The following GNA15 variants were observed in gnomAD, a reference collection of about 807,000 sequenced individuals.
The protein encoded by GNA15 is guanine nucleotide-binding protein subunit alpha-15.
A neutral mutation model predicts 40.1 loss-of-function variants in GNA15; 23 were observed. That is an observed-to-expected ratio of 0.57 (90% CI 0.41 to 0.81). GNA15 has a LOEUF of 0.81. Among genes scored for constraint, GNA15 ranks in the 40% least tolerant of loss-of-function variants. GNA15 has a pLI of 0.00. For missense variants in GNA15, 522 were observed against 515.8 expected, an observed-to-expected ratio of 1.01 and a Z score of -0.12; for synonymous variants, 226 against 210.4, an observed-to-expected ratio of 1.07 and a Z score of -0.64.
chr19:3,142,700 C>T (rs1267814673), intron 1 of GNA15, among the ~76,000 whole-genome samples: 1 of 151,802 alleles, frequency 6.6e-6, no homozygotes, highest in East Asian at 1.9e-4. Flanking sequence ...GGTGAAACCT[C>T]GTCTCTACTA....
At chr19:3,162,687 C>T (rs774601020) in intron 6 of GNA15, 106 bp from the exon 7 acceptor site, 26 of 688,418 alleles carry the variant, frequency 3.8e-5, no homozygotes, top group East Asian at 1.9e-4. Flanking sequence ...ATGACAGGCG[C>T]GATCCCTGGG....
At position 3,155,974 on chromosome 19, in the gene GNA15, C is replaced by T; in HGVS notation, c.744+22C>T. ...GGAGGTGCGCCACCGCCTCCCTCGCCCTGCCCACTTGTTGGCCCAGGGACC... is the reference window on the plus strand; with the variant it reads ...GGAGGTGCGCCACCGCCTCCCTCGCTCTGCCCACTTGTTGGCCCAGGGACC... On this transcript the variant is annotated intron_variant, in intron 5 of 6. Coordinates refer to ENST00000262958, the MANE Select transcript of GNA15 (RefSeq NM_002068.4). The surrounding 1 kb of genome is among the most constrained non-coding windows in gnomAD (Gnocchi z 5.6). The T allele has an allele frequency of 6.2e-7, 1 of 1,611,212 alleles. No homozygotes were observed. Among genetic ancestry groups the T allele is most frequent in the Non-Finnish European group, 8.5e-7 (1 of 1,178,034 alleles).
intron 1 of GNA15, among the ~76,000 whole-genome samples, chr19:3,148,281 T>A (rs935164015): frequency 2.6e-5 from 4 of 151,898 alleles, no homozygotes; most frequent in Non-Finnish European, 2.9e-5. Context: ...AGAGATGGGG[T>A]TTCGCCATGT....
rs183489804 is a variant in GNA15 at position 3,144,808 on chromosome 19, G to A, written c.146-3783G>A. Among the ~76,000 whole-genome samples the A allele has an allele frequency of 4.2e-3, 622 of 149,074 alleles. 2 individuals carry two copies. The highest frequency in any genetic ancestry group is 5.5e-3 in the Non-Finnish European group (370 of 67,494). ...CTCCCATAGTGCTGAGATTACAGGC[G>A]TGAGCCACCGGGCCCGGCCCTTTAT... On this transcript the variant is annotated intron_variant, in intron 1 of 6. Coordinates refer to ENST00000262958, the MANE Select transcript of GNA15 (RefSeq NM_002068.4).
rs549121074 is a variant in GNA15 at position 3,154,792 on chromosome 19, G to C, written c.615-1031G>C. Among the ~76,000 whole-genome samples, 5 of 152,098 alleles carry C rather than the reference G, an allele frequency of 3.3e-5. 1 individual carries two copies. In the East Asian group the frequency reaches 9.7e-4, roughly 29 times the overall value. ...ATAAATCGATGAATGGGGTGGGTGG[G>C]TGGATAAAAGTTTAGGAGTGAAGGT... On this transcript the variant is annotated intron_variant, in intron 4 of 6. Transcript: ENST00000262958.
In GNA15 at chr19:3,155,971, C is replaced by A; in HGVS notation, c.744+19C>A. ...CCAGGAGGTGCGCCACCGCCTCCCTCGCCCTGCCCACTTGTTGGCCCAGGG... is the reference window on the plus strand; with the variant it reads ...CCAGGAGGTGCGCCACCGCCTCCCTAGCCCTGCCCACTTGTTGGCCCAGGG... On this transcript the variant is annotated intron_variant, in intron 5 of 6. Transcript: ENST00000262958. This position sits in a 1 kb window ranked among gnomAD's most constrained non-coding sequence, Gnocchi z 5.6. 6.2e-7 allele frequency: 1 copy of A among 1,611,390 alleles called. No homozygotes were observed. Among genetic ancestry groups the A allele is most frequent in the Non-Finnish European group, 8.5e-7 (1 of 1,178,112 alleles).
intron 2 of GNA15, chr19:3,149,052 C>A (rs1418893068): frequency 3.7e-5 from 16 of 428,618 alleles, no homozygotes; most frequent in Non-Finnish European, 6.4e-5. Flanking sequence ...TACATGCTCA[C>A]AAAGATACAC....
Position 3,148,674 on chromosome 19 carries a change from G to A in GNA15, c.229G>A (p.Gly77Ser). ...CGGCTACTCGGAGGAGGAGCGCAAG[G>A]GCTTCCGGCCCCTGGTCTACCAGAA... ...GAGYSEEERK[G>S]FRPLVYQNIF... Residue 77 changes from glycine to serine, a missense_variant, in exon 2 of 7, where the codon GGC (glycine) becomes AGC (serine). By Grantham distance (56) the Gly-to-Ser change is moderately conservative. Coordinates refer to ENST00000262958, the MANE Select transcript of GNA15 (RefSeq NM_002068.4). 1 of 1,594,780 alleles carries A rather than the reference G, an allele frequency of 6.3e-7. No homozygotes were observed. The highest frequency in any genetic ancestry group is 8.5e-7 in the Non-Finnish European group (1 of 1,170,994).
intron 1 of GNA15, among the ~76,000 whole-genome samples, chr19:3,148,070 GTTTT>G (rs1914777082): frequency 2.0e-5 from 2 of 99,936 alleles, no homozygotes; most frequent in East Asian, 8.2e-4. Context: ...TGAGGTCCAT[GTTTT>G]GTTTTTTTTG....
intron 4 of GNA15, among the ~76,000 whole-genome samples, chr19:3,153,430 A>G (rs1914927353): frequency 6.6e-6 from 1 of 151,200 alleles, no homozygotes; most frequent in Non-Finnish European, 1.5e-5. Flanking sequence ...GGATGGATGA[A>G]TGGATGGATA....
intron 4 of GNA15, among the ~76,000 whole-genome samples, chr19:3,154,648 G>A (rs551276763): frequency 1.8e-4 from 27 of 150,378 alleles, no homozygotes; most frequent in African/African-American, 6.3e-4. Context: ...GGATGGATGG[G>A]TGGGTGGATG....
chr19:3,156,202 A>ACACT (rs57479390), intron 5 of GNA15, among the ~76,000 whole-genome samples: 2,541 of 143,304 alleles, frequency 0.018, 45 homozygotes, highest in Non-Finnish European at 0.024. Flanking sequence ...ACACACACAC[A>ACACT]CTACAGTGCA....
intron 4 of GNA15, among the ~76,000 whole-genome samples, chr19:3,154,106 GGATGGATGAGTGAATGAATA>G (rs1914945830): frequency 6.6e-6 from 1 of 150,894 alleles, no homozygotes; most frequent in African/African-American, 2.4e-5. Context: ...ACGGATAGAT[GGATGGATGAGTGAATGAATA>G]GATGGATGGG....
intron 4 of GNA15, among the ~76,000 whole-genome samples, chr19:3,153,496 G>A (rs1048572304): frequency 6.6e-6 from 1 of 151,620 alleles, no homozygotes; most frequent in African/African-American, 2.4e-5. Flanking sequence ...ATGGTTAGAT[G>A]GGTGGATGGG....
chr19:3,162,159 C>T (rs1373780354), intron 6 of GNA15, among the ~76,000 whole-genome samples: 1 of 152,082 alleles, frequency 6.6e-6, no homozygotes, highest in Non-Finnish European at 1.5e-5. Context: ...CTATGCAGGG[C>T]TGGGCACAGT....
Position 3,150,116 on chromosome 19 carries a change from G to A in GNA15, c.331-15G>A, listed in dbSNP as rs1307784177. ...CAGAAAGGCTACCCTAACTGCCCCCGTCCTCCCTCCCCAGCACCACGCTAG... is the reference window on the plus strand; with the variant it reads ...CAGAAAGGCTACCCTAACTGCCCCCATCCTCCCTCCCCAGCACCACGCTAG... On this transcript the variant is annotated splice_polypyrimidine_tract_variant and intron_variant, in intron 2 of 6. Coordinates refer to ENST00000262958, the MANE Select transcript of GNA15 (RefSeq NM_002068.4). 8.1e-6 allele frequency: 13 copies of A among 1,609,152 alleles called. No homozygotes were observed. The highest frequency in any genetic ancestry group is 9.3e-6 in the Non-Finnish European group (11 of 1,178,188).
chr19:3,145,336 A>AATATATATATATATATATATAT lies in GNA15; in HGVS notation c.146-3252_146-3231dup, dbSNP rs1191752115. On this transcript the variant is annotated intron_variant, in intron 1 of 6. Coordinates refer to ENST00000262958, the MANE Select transcript of GNA15 (RefSeq NM_002068.4). ...CAGTGTGCACCACTACGTCTGACTA[A>AATATATATATATATATATATAT]ATATATATATATATATATATATATT... Among the ~76,000 whole-genome samples, 7 of 60,208 alleles carry AATATATATATATATATATATAT rather than the reference A, an allele frequency of 1.2e-4. No homozygotes were observed. In the East Asian group the frequency reaches 1.4e-3, roughly 12 times the overall value. The allele number at this position is 60,208 out of a possible 152,430, so 39.5% of individuals were successfully genotyped here.
rs925435343 is a variant in GNA15 at position 3,163,639 on chromosome 19, C to G, written c.*620C>G. 2 of 152,950 alleles carry G rather than the reference C, an allele frequency of 1.3e-5. No individual in the cohort carries two copies. The highest frequency in any genetic ancestry group is 2.0e-4 in the South Asian group (1 of 5,000). 9.5% of individuals were successfully genotyped at this position (152,950 alleles called of 1,614,324 possible). A position where few individuals can be genotyped will look rare whatever the true frequency, so the allele number is the denominator to read the frequency against. ...AAATCGCGGCCCACAAGCATCCCCC[C>G]ATCCCTTGCAGGCTGGGGGCTGGGC... On this transcript the variant is annotated 3_prime_UTR_variant, in exon 7 of 7. Transcript: ENST00000262958.
At chr19:3,138,591 C>T (rs537978409) in intron 1 of GNA15, among the ~76,000 whole-genome samples, 5 of 151,324 alleles carry the variant, frequency 3.3e-5, no homozygotes, top group Non-Finnish European at 4.4e-5. Flanking sequence ...AGGAACTGCA[C>T]CTTCACTGGG....
Sources: gnomAD v4.1 joint callset for allele counts (sites outside exome capture counted in the v4.1 genomes callset) on GRCh38, gnomAD v4.1.1 for gene constraint, Gnocchi (gnomAD v3.1) non-coding constraint, MANE v1.5 for transcripts, NCBI Gene and HGNC (gene_info 2026-07-23, HGNC 2026-07-21) for gene names.